SLC3A2: variants seen among roughly 807,000 people sequenced by gnomAD.
The protein encoded by SLC3A2 is solute carrier family 3 member 2, also known as amino acid transporter heavy chain SLC3A2.
In SLC3A2, 32 loss-of-function variants were observed where a neutral mutation model predicts 48.5. The observed-to-expected ratio is 0.66, with a 90% CI of 0.50 to 0.89. SLC3A2 has a LOEUF of 0.89. Among genes scored for constraint, SLC3A2 ranks in the 40% least tolerant of loss-of-function variants. The probability of loss-of-function intolerance (pLI) is 0.00; values close to 1 mark genes in which losing one functional copy is unlikely to be tolerated. For synonymous variants in SLC3A2, 277 were observed against 288.8 expected, an observed-to-expected ratio of 0.96 and a Z score of 0.41; for missense variants, 587 against 680.7, an observed-to-expected ratio of 0.86 and a Z score of 1.53.
At chr11:62,856,283 C>T (rs1446266236) in exon 1 of SLC3A2, 2 of 1,612,394 alleles carry the variant, frequency 1.2e-6, no homozygotes, top group African/African-American at 1.3e-5. Context: ...GAGCTACAGC[C>T]TCCTGAAGCC....
chr11:62,883,813 A>C (rs902599921), intron 3 of SLC3A2: 18 of 357,010 alleles, frequency 5.0e-5, no homozygotes, highest in Non-Finnish European at 8.9e-5. Flanking sequence ...GGCCCAGAGA[A>C]AGGGAAGAAA....
At chr11:62,877,158 T>G (rs2085579481), upstream of SLC3A2, among the ~76,000 whole-genome samples, 1 of 151,830 alleles carries the variant, frequency 6.6e-6, no homozygotes, top group Admixed American at 6.6e-5. Context: ...CCTCCTGGGT[T>G]CAAGTGATTC....
chr11:62,859,393 G>A (rs1465778553), intron 1 of SLC3A2, among the ~76,000 whole-genome samples: 2 of 152,174 alleles, frequency 1.3e-5, no homozygotes, highest in African/African-American at 4.8e-5. Flanking sequence ...ATTTTTCTTA[G>A]TACATAACAA....
In SLC3A2 at chr11:62,885,592, C is replaced by T. The variant is rs2085702786; in HGVS notation, c.1127C>T (p.Ala376Val). ...GGGGATGAGATTGGCCTGGATGCAGCTGCCCTTCCTGGACAGGTACTGCTT... is the reference window on the plus strand; with the variant it reads ...GGGGATGAGATTGGCCTGGATGCAGTTGCCCTTCCTGGACAGGTACTGCTT... ...SYGDEIGLDA[A>V]ALPGQPMEAP... Residue 376 changes from alanine to valine, a missense_variant, in exon 7 of 9, where the codon GCT becomes GTT. By Grantham distance (64) the Ala-to-Val change is moderately conservative. Transcript: ENST00000338663. The T allele has an allele frequency of 6.2e-7, 1 of 1,614,060 alleles. No individual in the cohort carries two copies. The highest frequency in any genetic ancestry group is 8.5e-7 in the Non-Finnish European group (1 of 1,180,016).
chr11:62,856,869 A>G (rs970589518), intron 1 of SLC3A2, among the ~76,000 whole-genome samples: 28 of 147,518 alleles, frequency 1.9e-4, no homozygotes, highest in African/African-American at 6.8e-4. Context: ...CTTGTTGCCC[A>G]GGCTGGAATG....
At chr11:62,884,385 A>T in intron 3 of SLC3A2, 72 bp from the exon 4 acceptor site, 1 of 1,535,444 alleles carries the variant, frequency 6.5e-7, no homozygotes, top group Non-Finnish European at 9.0e-7. Flanking sequence ...GGTGAGGTTT[A>T]GTGTGGGCTG....
At chr11:62,882,331 G>T in intron 2 of SLC3A2, 1 of 417,964 alleles carries the variant, frequency 2.4e-6, no homozygotes. Flanking sequence ...CTAAACCAGT[G>T]GTTTTAAACT....
intron 7 of SLC3A2, among the ~76,000 whole-genome samples, chr11:62,886,852 A>G (rs554987159): frequency 6.6e-6 from 1 of 152,008 alleles, no homozygotes; most frequent in African/African-American, 2.4e-5. Context: ...GCCTGCCCTG[A>G]TCTCCCAAAT....
upstream of SLC3A2, chr11:62,880,817 T>TC: frequency 9.1e-7 from 1 of 1,104,188 alleles, no homozygotes; most frequent in Non-Finnish European, 1.2e-6. Context: ...GCTGGGGCAG[T>TC]CCCCGAGGTT....
At position 62,856,403 on chromosome 11, in the gene SLC3A2, T is replaced by G. The variant is rs572661826; in HGVS notation, c.112+22T>G. On this transcript the variant is annotated intron_variant, in intron 1 of 9. Coordinates refer to the SLC3A2 transcript ENST00000377889. ...TCAGGTACTGGATCCCGGGCTAAGC[T>G]CGGGAGGAGGTCCCCTTTGGTGGGG... 49 of 1,581,694 alleles carry G rather than the reference T, an allele frequency of 3.1e-5. No individual in the cohort carries two copies. The Admixed American group carries it at 6.7e-4, about 22-fold the overall frequency.
intron 2 of SLC3A2, 51 bp downstream of exon 2, chr11:62,882,117 G>A (rs1194078407): frequency 6.2e-7 from 1 of 1,603,310 alleles, no homozygotes. Flanking sequence ...CTTGGCCAGA[G>A]GAAAAGTAGG....
chr11:62,866,828 T>C (rs578145650), intron 1 of SLC3A2, among the ~76,000 whole-genome samples: 67 of 152,326 alleles, frequency 4.4e-4, no homozygotes, highest in Non-Finnish European at 9.4e-4. Context: ...AACTTGCTCA[T>C]CCTTTTTACA....
intron 1 of SLC3A2, among the ~76,000 whole-genome samples, chr11:62,862,568 C>T (rs186044381): frequency 6.6e-6 from 1 of 152,132 alleles, no homozygotes; most frequent in Non-Finnish European, 1.5e-5. Context: ...CAGTCAACTC[C>T]CTGGGGTTTG....
chr11:62,865,561 CAAAAAAA>C (rs35320203), intron 1 of SLC3A2, among the ~76,000 whole-genome samples: 3 of 86,910 alleles, frequency 3.5e-5, no homozygotes, highest in African/African-American at 1.0e-4. Context: ...GTCTCCCCCA[CAAAAAAA>C]AAAAAAAAAA....
In SLC3A2 at chr11:62,881,258, C is replaced by G; in HGVS notation, c.235C>G (p.Arg79Gly). Residue 79 changes from arginine (R) to glycine (G), a missense_variant, in exon 1 of 9, where the codon CGC becomes GGC. Arg to Gly is a moderately radical substitution (Grantham distance 125, BLOSUM62 -2). Coordinates refer to ENST00000338663, the MANE Select transcript of SLC3A2 (RefSeq NM_001013251.3). This position sits in a 1 kb window ranked among gnomAD's most constrained non-coding sequence, Gnocchi z 4.0. ...GGTGGCAGGCAGCCCCGGCTGGGTA[C>G]GCACCCGCTGGGCACTGCTGCTGCT... ...LKVAGSPGWVRTRWALLLLFW... is the reference protein window; with the variant it reads ...LKVAGSPGWVGTRWALLLLFW... 6.3e-7 allele frequency: 1 copy of G among 1,584,928 alleles called. No individual in the cohort carries two copies. Among genetic ancestry groups the G allele is most frequent in the Non-Finnish European group, 8.6e-7 (1 of 1,167,012 alleles).
At chr11:62,876,210 G>T (rs1037368139), upstream of SLC3A2, among the ~76,000 whole-genome samples, 1 of 152,178 alleles carries the variant, frequency 6.6e-6, no homozygotes, top group Admixed American at 6.5e-5. Context: ...CTGTTTTCAG[G>T]CTAAGATCAA....
chr11:62,870,855 A>ATTATTATT (rs1555018799), intron 1 of SLC3A2: 17 of 134,862 alleles, frequency 1.3e-4, no homozygotes, highest in South Asian at 1.8e-4. Context: ...TAATAATAAT[A>ATTATTATT]ATTATTATTA....
At chr11:62,888,278 C>G (rs2085740996) in intron 8 of SLC3A2, 53 bp from the exon 9 acceptor site, 3 of 1,609,326 alleles carry the variant, frequency 1.9e-6, no homozygotes, top group Non-Finnish European at 2.6e-6. Flanking sequence ...TTGTAGAAGT[C>G]TGTACCCAGG....
rs1372803512 is a variant in SLC3A2, at chr11:62,888,817, G to C, written c.*124G>C. On this transcript the variant is annotated 3_prime_UTR_variant, in exon 9 of 9. Transcript: ENST00000338663. ...CAGATTATGAGTGAACCCCCAAATAGGGTGTTTTCTGCCTTCAAATAAAAG... is the reference window on the plus strand; with the variant it reads ...CAGATTATGAGTGAACCCCCAAATACGGTGTTTTCTGCCTTCAAATAAAAG... 41 of 938,188 alleles carry C rather than the reference G, an allele frequency of 4.4e-5. No homozygotes were observed. The highest frequency in any genetic ancestry group is 1.6e-6 in the Non-Finnish European group (1 of 641,066). 58.1% of individuals were successfully genotyped at this position (938,188 alleles called of 1,614,324 possible).
Sources: allele counts gnomAD v4.1 joint callset (sites outside exome capture counted in the v4.1 genomes callset), GRCh38; gene constraint gnomAD v4.1.1; non-coding constraint Gnocchi (gnomAD v3.1); transcripts MANE v1.5; gene names NCBI Gene and HGNC (gene_info 2026-07-23, HGNC 2026-07-21).